PACRG: variants seen among roughly 807,000 people sequenced by gnomAD.
The protein encoded by PACRG is parkin coregulated.
PACRG carries 29 observed loss-of-function variants against 29.7 expected under a neutral mutation model. That is an observed-to-expected ratio of 0.98 (90% CI 0.73 to 1.33). The LOEUF (loss-of-function observed/expected upper bound fraction) is 1.33. Ranked by LOEUF, PACRG falls within the 40% of genes most tolerant of loss-of-function variation. The pLI is 0.00. For missense variants in PACRG, 279 were observed against 316.2 expected, an observed-to-expected ratio of 0.88 and a Z score of 0.89; for synonymous variants, 116 against 118.7, an observed-to-expected ratio of 0.98 and a Z score of 0.15.
intron 2 of PACRG, among the ~76,000 whole-genome samples, chr6:162,885,004 C>T (rs1296968654): frequency 4.6e-5 from 7 of 152,136 alleles, no homozygotes; most frequent in Non-Finnish European, 1.0e-4. Context: ...TTTCAGCACC[C>T]TGCTTCACTT....
At chr6:162,860,472 G>C (rs1311316097) in intron 2 of PACRG, among the ~76,000 whole-genome samples, 1 of 152,204 alleles carries the variant, frequency 6.6e-6, no homozygotes, top group Non-Finnish European at 1.5e-5. Context: ...ATGTAAACTT[G>C]AGTCCCACTC....
chr6:163,247,483 TC>T lies in PACRG; in HGVS notation c.614-67343del, dbSNP rs140191523. Among the ~76,000 whole-genome samples, 688 of 152,376 alleles carry T rather than the reference TC, an allele frequency of 4.5e-3. 9 individuals carry two copies. Among genetic ancestry groups the T allele is most frequent in the African/African-American group, 0.016 (667 of 41,584 alleles). On this transcript the variant is annotated intron_variant, in intron 4 of 4. Transcript: ENST00000366888. ...AAAAAATTAAAATGCAAAATTGTCA[TC>T]ATGATGGATCTTCTGTCACATATAG...
chr6:162,982,734 T>C (rs1455258383), intron 2 of PACRG, among the ~76,000 whole-genome samples: 3 of 152,102 alleles, frequency 2.0e-5, no homozygotes, highest in Non-Finnish European at 4.4e-5. Flanking sequence ...ATATGGTCTA[T>C]CTTGGAGAAT....
intron 3 of PACRG, among the ~76,000 whole-genome samples, chr6:163,068,118 TC>T (rs1167610180): frequency 6.6e-6 from 1 of 152,218 alleles, no homozygotes; most frequent in Non-Finnish European, 1.5e-5. Context: ...GCCTGACACT[TC>T]CTGTTACTCC....
intron 4 of PACRG, among the ~76,000 whole-genome samples, chr6:163,200,974 C>T (rs556723240): frequency 1.4e-3 from 207 of 152,302 alleles, no homozygotes; most frequent in African/African-American, 4.0e-3. Flanking sequence ...GGGTGGGATC[C>T]GCAGAACATG....
chr6:163,154,729 T>A (rs1163308380), intron 4 of PACRG, among the ~76,000 whole-genome samples: 1 of 152,216 alleles, frequency 6.6e-6, no homozygotes, highest in Non-Finnish European at 1.5e-5. Context: ...GACATGCTTA[T>A]ACTAAAAATC....
intron 4 of PACRG, among the ~76,000 whole-genome samples, chr6:163,261,662 T>A (rs1783331024): frequency 1.3e-5 from 2 of 152,196 alleles, no homozygotes; most frequent in African/African-American, 2.4e-5. Context: ...CATCTGTGGA[T>A]TTGGCAAAAT....
chr6:163,215,662 T>C (rs1020736494), intron 4 of PACRG, among the ~76,000 whole-genome samples: 1 of 152,158 alleles, frequency 6.6e-6, no homozygotes, highest in Non-Finnish European at 1.5e-5. Flanking sequence ...GCCACATGCA[T>C]GACTGTGGTG....
intron 4 of PACRG, among the ~76,000 whole-genome samples, chr6:163,251,644 A>G (rs1782908515): frequency 6.6e-6 from 1 of 152,176 alleles, no homozygotes; most frequent in South Asian, 2.1e-4. Context: ...CCTGTTACTC[A>G]TCCATTCTGT....
intron 2 of PACRG, among the ~76,000 whole-genome samples, chr6:162,950,434 G>T (rs1799563335): frequency 6.6e-6 from 1 of 152,180 alleles, no homozygotes; most frequent in South Asian, 2.1e-4. Flanking sequence ...CATGAACCCG[G>T]GAGGCGGAGC....
intron 4 of PACRG, among the ~76,000 whole-genome samples, chr6:163,278,851 T>A (rs1355032786): frequency 1.3e-5 from 2 of 152,200 alleles, no homozygotes; most frequent in Non-Finnish European, 2.9e-5. Flanking sequence ...TTTAGTATTG[T>A]TTTTTCTACT....
intron 4 of PACRG, among the ~76,000 whole-genome samples, chr6:163,256,767 C>T (rs748904572): frequency 5.3e-5 from 8 of 152,166 alleles, no homozygotes; most frequent in Non-Finnish European, 8.8e-5. Context: ...CTGAGTGAGA[C>T]GGGAGGTCCA....
At chr6:163,078,094 G>A (rs1411400812) in intron 3 of PACRG, among the ~76,000 whole-genome samples, 3 of 152,182 alleles carry the variant, frequency 2.0e-5, no homozygotes, top group African/African-American at 7.2e-5. Context: ...GTAATGTGAT[G>A]TTGAGGGGCA....
intron 1 of PACRG, among the ~76,000 whole-genome samples, chr6:162,761,083 A>G (rs1478386645): frequency 1.3e-5 from 2 of 152,146 alleles, no homozygotes; most frequent in Non-Finnish European, 2.9e-5. Flanking sequence ...CACAGGGCCC[A>G]GTGTCCTCAT....
intron 2 of PACRG, among the ~76,000 whole-genome samples, chr6:162,839,690 T>A (rs1367764967): frequency 5.3e-5 from 8 of 152,154 alleles, no homozygotes; most frequent in Non-Finnish European, 8.8e-5. Flanking sequence ...CTGAATGGTA[T>A]TGCCTAGGTT....
At chr6:162,866,786 C>T (rs777511144) in intron 2 of PACRG, among the ~76,000 whole-genome samples, 9 of 152,146 alleles carry the variant, frequency 5.9e-5, no homozygotes, top group Non-Finnish European at 1.3e-4. Flanking sequence ...TCAGAGTAAT[C>T]ATGCTAAGAA....
intron 4 of PACRG, among the ~76,000 whole-genome samples, chr6:163,285,336 C>T (rs1390411297): frequency 1.3e-5 from 2 of 152,124 alleles, no homozygotes; most frequent in South Asian, 2.1e-4. Context: ...CTTCCCCTGA[C>T]ACATCCCCAC....
intron 2 of PACRG, among the ~76,000 whole-genome samples, chr6:162,962,289 G>A (rs1219274793): frequency 6.9e-6 from 1 of 144,846 alleles, no homozygotes; most frequent in Non-Finnish European, 1.5e-5. Flanking sequence ...ACTCATGCTT[G>A]TACTCCAGTG....
At chr6:163,165,868 G>C in intron 4 of PACRG, 1 of 348,870 alleles carries the variant, frequency 2.9e-6, no homozygotes, top group South Asian at 2.2e-5. Flanking sequence ...AGAATGGGGC[G>C]ACAGGGGGAG....
Sources: allele counts gnomAD v4.1 joint callset (sites outside exome capture counted in the v4.1 genomes callset), GRCh38; gene constraint gnomAD v4.1.1; transcripts MANE v1.5; gene names NCBI Gene and HGNC (gene_info 2026-07-23, HGNC 2026-07-21).